GALNT16: variants seen among roughly 807,000 people sequenced by gnomAD.
The protein encoded by GALNT16 is UDP-GalNAc:polypeptide N-acetylgalactosaminyltransferase-like protein 1.
In GALNT16, 40 loss-of-function variants were observed where a neutral mutation model predicts 76.1. The ratio of observed to expected loss-of-function variants is 0.53; its 90% confidence interval spans 0.41 to 0.68. The LOEUF (loss-of-function observed/expected upper bound fraction) is 0.68, where lower values mean the gene tolerates loss of function less well. Among genes scored for constraint, GALNT16 ranks in the 30% least tolerant of loss-of-function variants. GALNT16 has a pLI of 0.00. For synonymous variants in GALNT16, 276 were observed against 285.2 expected (o/e 0.97, Z 0.32); for missense variants, 621 against 731.9 (o/e 0.85, Z 1.75).
chr14:69,372,135 G>A, the GALNT16 span, among the ~76,000 whole-genome samples: 5 of 152,162 alleles, frequency 3.3e-5, no homozygotes, highest in South Asian at 4.2e-4. Flanking sequence ...TGCAGGAGTG[G>A]CCTGCAGTGA....
the GALNT16 span, among the ~76,000 whole-genome samples, chr14:69,370,926 T>C: frequency 6.6e-6 from 1 of 152,250 alleles, no homozygotes; most frequent in African/African-American, 2.4e-5. Flanking sequence ...CTAGGGTCAT[T>C]ACTGCTTTGT....
intron 12 of GALNT16, 97 bp from the exon 13 acceptor site, chr14:69,346,943 G>C: frequency 1.3e-6 from 2 of 1,488,470 alleles, no homozygotes; most frequent in Non-Finnish European, 1.9e-6. Context: ...CGGAGACCTC[G>C]GCGCTCCCAG....
At chr14:69,338,315 G>C (rs908595609) in intron 9 of GALNT16, among the ~76,000 whole-genome samples, 3 of 152,206 alleles carry the variant, frequency 2.0e-5, no homozygotes, top group Non-Finnish European at 4.4e-5. Context: ...GTCTGTCTGG[G>C]GCTTTCTAGA....
At chr14:69,324,867 A>G (rs2140169646) in intron 3 of GALNT16, 77 bp downstream of exon 3, 6 of 905,044 alleles carry the variant, frequency 6.6e-6, no homozygotes, top group East Asian at 5.3e-5. Flanking sequence ...GTGGCCAGAC[A>G]GCTTGAAGCC....
the GALNT16 span, among the ~76,000 whole-genome samples, chr14:69,378,768 C>T: frequency 3.9e-5 from 6 of 152,108 alleles, no homozygotes; most frequent in Non-Finnish European, 8.8e-5. Flanking sequence ...GGAACTCATT[C>T]CCTTCAGATC....
chr14:69,321,355 G>A (rs2045180389), intron 2 of GALNT16, among the ~76,000 whole-genome samples: 1 of 152,166 alleles, frequency 6.6e-6, no homozygotes, highest in Non-Finnish European at 1.5e-5. Context: ...GGTGAGGTGG[G>A]AGAGGCCTTA....
intron 1 of GALNT16, among the ~76,000 whole-genome samples, chr14:69,270,229 G>A (rs1251655574): frequency 6.6e-6 from 1 of 152,098 alleles, no homozygotes; most frequent in East Asian, 1.9e-4. Context: ...GTCACTGCTG[G>A]GCAGGAGTGG....
At position 69,264,819 on chromosome 14, in the gene GALNT16, C is replaced by CTTTTTTTTTTTTTTTTTTTT. The variant is rs60818532; in HGVS notation, c.177+4363_177+4364insTTTTTTTTTTTTTTTTTTTT. On this transcript the variant is annotated intron_variant, in intron 1 of 14. Coordinates refer to ENST00000448469, the MANE Select transcript of GALNT16 (RefSeq NM_001168368.2). ...TTTATTTTCTCTTTTCTTTTTCTTT[C>CTTTTTTTTTTTTTTTTTTTT]TTTTTTTTTTTGGACACAGGGTCTC... Among the ~76,000 whole-genome samples the CTTTTTTTTTTTTTTTTTTTT allele has an allele frequency of 2.7e-3, 263 of 96,500 alleles. 33 individuals are homozygous for CTTTTTTTTTTTTTTTTTTTT. The highest frequency in any genetic ancestry group is 5.6e-3 in the East Asian group (13 of 2,314). The allele number at this position is 96,500 out of a possible 152,430, so 63.3% of individuals were successfully genotyped here.
chr14:69,341,977 G>T (rs969374543), intron 12 of GALNT16, among the ~76,000 whole-genome samples: 1 of 152,142 alleles, frequency 6.6e-6, no homozygotes, highest in Non-Finnish European at 1.5e-5. Context: ...ATTTTTAATG[G>T]TTTCAGATCT....
chr14:69,333,472 G>A lies in GALNT16; in HGVS notation c.864-25G>A, dbSNP rs759674929. 7.7e-6 allele frequency: 11 copies of A among 1,427,032 alleles called. No individual in the cohort carries two copies. In the South Asian group the frequency reaches 1.3e-4, roughly 16 times the overall value. 88.4% of individuals were successfully genotyped at this position (1,427,032 alleles called of 1,614,324 possible). On this transcript the variant is annotated intron_variant, in intron 8 of 14. Coordinates refer to ENST00000448469, the MANE Select transcript of GALNT16 (RefSeq NM_001168368.2). The surrounding 1 kb of genome is among the most constrained non-coding windows in gnomAD (Gnocchi z 4.2). ...TCCTTGCTTCTCCAGCTCACGTGTT[G>A]CGTCTTCCCTCTCCTTGCTCCCAGG... is the stretch of plus-strand genomic sequence containing the variant.
intron 1 of GALNT16, among the ~76,000 whole-genome samples, chr14:69,268,881 C>T (rs1198513922): frequency 6.6e-6 from 1 of 152,158 alleles, no homozygotes; most frequent in African/African-American, 2.4e-5. Flanking sequence ...TGGGCCAGGG[C>T]ACCATCCCGG....
intron 12 of GALNT16, among the ~76,000 whole-genome samples, chr14:69,345,285 TAG>T (rs1327999259): frequency 2.0e-5 from 3 of 152,152 alleles, no homozygotes; most frequent in African/African-American, 7.2e-5. Flanking sequence ...CCACCTCTGC[TAG>T]AGAGTTGCAA....
intron 13 of GALNT16, 42 bp from the exon 14 acceptor site, chr14:69,347,835 G>A (rs1238413878): frequency 1.3e-5 from 21 of 1,606,484 alleles, no homozygotes; most frequent in East Asian, 4.5e-5. Flanking sequence ...TCCACCCATC[G>A]CTGTACTTTT....
chr14:69,261,222 G>A lies in GALNT16; in HGVS notation c.177+755G>A, dbSNP rs1166113273. Among the ~76,000 whole-genome samples the A allele has an allele frequency of 6.6e-6, 1 of 152,060 alleles. No homozygotes were observed. Among genetic ancestry groups the A allele is most frequent in the Non-Finnish European group, 1.5e-5 (1 of 67,996 alleles). On this transcript the variant is annotated intron_variant, in intron 1 of 14. Transcript: ENST00000448469. The surrounding 1 kb of genome is among the most constrained non-coding windows in gnomAD (Gnocchi z 6.4). The stretch of plus-strand genomic sequence containing the variant: ...GGCAGTGTGGCACAGCGGGGGCGGC[G>A]GCGGGGCTGCGGGGGCCCTTGGCGC...
At chr14:69,263,888 G>A (rs114126438) in intron 1 of GALNT16, among the ~76,000 whole-genome samples, 189 of 152,304 alleles carry the variant, frequency 1.2e-3, no homozygotes, top group African/African-American at 4.3e-3. Context: ...TTTCCATGCT[G>A]TACCCGATGC....
Position 69,333,928 on chromosome 14 carries a change from T to C in GALNT16, c.967+328T>C, listed in dbSNP as rs2045387407. On this transcript the variant is annotated intron_variant, in intron 9 of 14. Transcript: ENST00000448469. This position sits in a 1 kb window ranked among gnomAD's most constrained non-coding sequence, Gnocchi z 4.2. ...TATCACAGACCACAGCTTACACACG[T>C]GGCTGCTTCCCTACCAGCAAGGCTG... Among the ~76,000 whole-genome samples the C allele has an allele frequency of 6.6e-6, 1 of 152,182 alleles. No individual in the cohort carries two copies. The highest frequency in any genetic ancestry group is 2.4e-5 in the African/African-American group (1 of 41,456).
intron 1 of GALNT16, among the ~76,000 whole-genome samples, chr14:69,279,622 T>C (rs553004581): frequency 6.6e-6 from 1 of 152,322 alleles, no homozygotes; most frequent in African/African-American, 2.4e-5. Context: ...TGAGTGGGTG[T>C]GGGAAAGGCT....
intron 12 of GALNT16, among the ~76,000 whole-genome samples, chr14:69,346,331 TACA>T: frequency 6.6e-6 from 1 of 152,354 alleles, no homozygotes; most frequent in African/African-American, 2.4e-5. Context: ...GAATGTCTTT[TACA>T]ACATTTATAA....
At chr14:69,326,473 C>G (rs913171329) in intron 5 of GALNT16, among the ~76,000 whole-genome samples, 1 of 152,214 alleles carries the variant, frequency 6.6e-6, no homozygotes, top group Non-Finnish European at 1.5e-5. Flanking sequence ...TCCCTGCCCT[C>G]GGAGAGCTAC....
Sources: allele counts gnomAD v4.1 joint callset (sites outside exome capture counted in the v4.1 genomes callset), GRCh38; gene constraint gnomAD v4.1.1; non-coding constraint Gnocchi (gnomAD v3.1); transcripts MANE v1.5; gene names NCBI Gene and HGNC (gene_info 2026-07-23, HGNC 2026-07-21).